RPS6KC1: variants seen among roughly 807,000 people sequenced by gnomAD.
RPS6KC1 encodes ribosomal protein S6 kinase C1, also known as inactive ribosomal protein S6 kinase delta-1.
In RPS6KC1, 54 loss-of-function variants were observed where a neutral mutation model predicts 103.8. The ratio of observed to expected loss-of-function variants is 0.52; its 90% confidence interval spans 0.42 to 0.65. The LOEUF is 0.65. Among genes scored for constraint, RPS6KC1 ranks in the 30% least tolerant of loss-of-function variants. RPS6KC1 has a pLI of 0.00. For synonymous variants in RPS6KC1, 439 were observed against 438.7 expected (o/e 1.00, Z -0.01); for missense variants, 1,151 against 1,253.8 (o/e 0.92, Z 1.24).
the RPS6KC1 span, among the ~76,000 whole-genome samples, chr1:213,607,142 C>T: frequency 1.2e-4 from 18 of 152,282 alleles, no homozygotes; most frequent in Non-Finnish European, 2.5e-4. Flanking sequence ...CCTGCAACTT[C>T]TCTCAAGGAA....
chr1:213,749,840 G>A, the RPS6KC1 span, among the ~76,000 whole-genome samples: 1 of 152,192 alleles, frequency 6.6e-6, no homozygotes, highest in African/African-American at 2.4e-5. Flanking sequence ...TGAGACGAGC[G>A]AACACAGTAA....
chr1:213,065,959 C>T (rs1241615835), intron 1 of RPS6KC1, among the ~76,000 whole-genome samples: 1 of 152,132 alleles, frequency 6.6e-6, no homozygotes, highest in African/African-American at 2.4e-5. Flanking sequence ...GGTGAATAGC[C>T]ATGTGGCTTT....
At chr1:213,409,193 A>G in the RPS6KC1 span, among the ~76,000 whole-genome samples, 8 of 152,038 alleles carry the variant, frequency 5.3e-5, no homozygotes, top group Non-Finnish European at 1.0e-4. Context: ...AGCCCGTGCA[A>G]CCAACCAAGT....
chr1:213,838,127 A>T, the RPS6KC1 span, among the ~76,000 whole-genome samples: 1 of 152,222 alleles, frequency 6.6e-6, no homozygotes, highest in African/African-American at 2.4e-5. Flanking sequence ...AATTTTTATC[A>T]TGAAAACTTT....
the RPS6KC1 span, among the ~76,000 whole-genome samples, chr1:213,322,489 A>G: frequency 2.0e-5 from 3 of 152,218 alleles, no homozygotes; most frequent in African/African-American, 7.2e-5. Context: ...CAGAGCCGGT[A>G]GACCAGTAAG....
chr1:213,564,927 T>C, the RPS6KC1 span, among the ~76,000 whole-genome samples: 7 of 152,272 alleles, frequency 4.6e-5, no homozygotes, highest in Non-Finnish European at 1.5e-5. Flanking sequence ...TCTTGTTTTC[T>C]GTTTTATCGT....
At chr1:213,710,529 T>C in the RPS6KC1 span, among the ~76,000 whole-genome samples, 3 of 152,212 alleles carry the variant, frequency 2.0e-5, no homozygotes. Flanking sequence ...AGGTTAATAT[T>C]GTTATGTGTG....
the RPS6KC1 span, among the ~76,000 whole-genome samples, chr1:213,289,205 A>T: frequency 8.3e-6 from 1 of 121,066 alleles, no homozygotes; most frequent in South Asian, 3.0e-4. Context: ...AGCTCAAATG[A>T]GGGCTGGATG....
the RPS6KC1 span, among the ~76,000 whole-genome samples, chr1:213,560,892 A>G: frequency 6.6e-6 from 1 of 152,180 alleles, no homozygotes; most frequent in South Asian, 2.1e-4. Context: ...TTTGCCCCAG[A>G]TGGAGATACT....
chr1:213,470,470 C>T, the RPS6KC1 span, among the ~76,000 whole-genome samples: 3 of 152,118 alleles, frequency 2.0e-5, no homozygotes, highest in African/African-American at 7.2e-5. Flanking sequence ...TCCAGCCAGC[C>T]TGGTTGTCTT....
At chr1:213,848,978 C>T in the RPS6KC1 span, among the ~76,000 whole-genome samples, 1 of 152,118 alleles carries the variant, frequency 6.6e-6, no homozygotes, top group East Asian at 1.9e-4. Flanking sequence ...GATGGCATGT[C>T]ATTACTGGGC....
the RPS6KC1 span, among the ~76,000 whole-genome samples, chr1:213,829,489 C>G: frequency 6.6e-6 from 1 of 152,116 alleles, no homozygotes; most frequent in Non-Finnish European, 1.5e-5. Context: ...GTCATATCAT[C>G]AAAGCCTGGA....
intron 6 of RPS6KC1, among the ~76,000 whole-genome samples, chr1:213,140,894 A>ATT (rs1207181226): frequency 2.0e-5 from 2 of 101,190 alleles, no homozygotes; most frequent in Admixed American, 1.0e-4. Context: ...GTACCTCCTC[A>ATT]TTTTTTTTTT....
chr1:213,703,303 T>C, the RPS6KC1 span, among the ~76,000 whole-genome samples: 1 of 152,208 alleles, frequency 6.6e-6, no homozygotes, highest in East Asian at 1.9e-4. Context: ...TATTGTACTG[T>C]CTATGTCTTA....
chr1:213,723,391 G>C, the RPS6KC1 span, among the ~76,000 whole-genome samples: 1 of 152,188 alleles, frequency 6.6e-6, no homozygotes, highest in Non-Finnish European at 1.5e-5. Flanking sequence ...GGGAGTCTGA[G>C]ATCAAGGTGT....
chr1:213,678,212 G>A, the RPS6KC1 span, among the ~76,000 whole-genome samples: 1 of 152,176 alleles, frequency 6.6e-6, no homozygotes, highest in African/African-American at 2.4e-5. Context: ...CTTGATTTCT[G>A]AAACAATAGA....
the RPS6KC1 span, among the ~76,000 whole-genome samples, chr1:213,747,304 G>A: frequency 8.5e-5 from 13 of 152,266 alleles, no homozygotes; most frequent in African/African-American, 2.9e-4. Flanking sequence ...TAATATTATT[G>A]TTTTTAGCAA....
the RPS6KC1 span, among the ~76,000 whole-genome samples, chr1:213,602,116 C>A: frequency 3.0e-5 from 1 of 33,070 alleles, no homozygotes. Flanking sequence ...TTCTTTCTTT[C>A]TTTCTCTTTC....
chr1:213,275,812 A>AC (rs1043166406), downstream of RPS6KC1, among the ~76,000 whole-genome samples: 1 of 152,072 alleles, frequency 6.6e-6, no homozygotes, highest in African/African-American at 2.4e-5. Context: ...GATTGCCAGA[A>AC]CCTATTCTTC....
Sources: gnomAD v4.1 joint callset for allele counts (sites outside exome capture counted in the v4.1 genomes callset) on GRCh38, gnomAD v4.1.1 for gene constraint, MANE v1.5 for transcripts, NCBI Gene and HGNC (gene_info 2026-07-23, HGNC 2026-07-21) for gene names.